DTWD2: variants seen among roughly 807,000 people sequenced by gnomAD.
DTWD2 encodes the protein DTW motif tRNA-uridine aminocarboxypropyltransferase 2.
A neutral mutation model predicts 31.8 loss-of-function variants in DTWD2; 39 were observed. That is an observed-to-expected ratio of 1.22 (90% CI 0.95 to 1.60). The LOEUF (loss-of-function observed/expected upper bound fraction) is 1.60, where lower values mean the gene tolerates loss of function less well. Among genes scored for constraint, DTWD2 ranks in the 40% most tolerant of loss-of-function variants. The pLI, the probability that DTWD2 is intolerant of heterozygous loss-of-function variation, is 0.00. For missense variants in DTWD2, 515 were observed against 381.5 expected, an observed-to-expected ratio of 1.35 and a Z score of -2.92; for synonymous variants, 180 against 142.8, an observed-to-expected ratio of 1.26 and a Z score of -1.86.
intron 4 of DTWD2, among the ~76,000 whole-genome samples, chr5:118,878,405 A>G (rs1217263579): frequency 6.6e-6 from 1 of 152,216 alleles, no homozygotes; most frequent in Non-Finnish European, 1.5e-5. Flanking sequence ...AAAACAAGCA[A>G]TGGGGAAAGG....
Position 118,980,036 on chromosome 5 carries a change from A to G in DTWD2, c.218+8258T>C, listed in dbSNP as rs576935560. On this transcript the variant is annotated intron_variant, in intron 1 of 5. Coordinates refer to ENST00000510708, the MANE Select transcript of DTWD2 (RefSeq NM_173666.4). The stretch of plus-strand genomic sequence containing the variant: ...GAAAAATAGTACTGTACCAATGTTC[A>G]TTTCTTCATTTTCGTAACTGGACTT... Among the ~76,000 whole-genome samples the G allele has an allele frequency of 5.3e-5, 8 of 152,314 alleles. No homozygotes were observed. The East Asian group carries it at 9.6e-4, about 18-fold the overall frequency.
intron 1 of DTWD2, among the ~76,000 whole-genome samples, chr5:118,963,929 G>A (rs1307873431): frequency 6.6e-6 from 1 of 152,154 alleles, no homozygotes; most frequent in South Asian, 2.1e-4. Flanking sequence ...GCATTTGCAG[G>A]CCAGGTGCAG....
At chr5:118,970,086 G>A (rs1399488525) in intron 1 of DTWD2, among the ~76,000 whole-genome samples, 1 of 152,134 alleles carries the variant, frequency 6.6e-6, no homozygotes, top group African/African-American at 2.4e-5. Flanking sequence ...GAATCTCAGA[G>A]CTGTAAGACT....
chr5:118,925,133 G>C (rs559870180), intron 4 of DTWD2, among the ~76,000 whole-genome samples: 2 of 152,264 alleles, frequency 1.3e-5, no homozygotes, highest in Admixed American at 1.3e-4. Flanking sequence ...TCTTCACTAA[G>C]TGTATGGCTT....
rs1010599132 is a variant in DTWD2 at position 118,881,818 on chromosome 5, C to T, written c.598-33600G>A. On this transcript the variant is annotated intron_variant, in intron 4 of 5. Coordinates refer to ENST00000510708, the MANE Select transcript of DTWD2 (RefSeq NM_173666.4). ...CAAGAGAAAAACCAGCCCCATTATT[C>T]GATCACTTCCCAACAGGTCCGTCCT... is the stretch of plus-strand genomic sequence containing the variant. Among the ~76,000 whole-genome samples the T allele has an allele frequency of 1.5e-4, 23 of 152,286 alleles. 1 individual carries two copies. The highest frequency in any genetic ancestry group is 5.9e-5 in the Non-Finnish European group (4 of 68,018).
At chr5:118,977,554 G>A (rs1021349117) in intron 1 of DTWD2, among the ~76,000 whole-genome samples, 1 of 152,114 alleles carries the variant, frequency 6.6e-6, no homozygotes, top group Non-Finnish European at 1.5e-5. Context: ...CAGGCAAGCA[G>A]ACAGCCAAAT....
At position 118,939,257 on chromosome 5, in the gene DTWD2, C is replaced by T; in HGVS notation, c.343G>A (p.Ala115Thr). The change falls in exon 3 of 6, where the codon GCA (alanine) becomes ACA (threonine). Residue 115 changes from alanine to threonine, a missense_variant. Coordinates refer to ENST00000510708, the MANE Select transcript of DTWD2 (RefSeq NM_173666.4). Reference protein sequence around the residue: ...NKVLRTVPLLAACLPQDKCKV... With the variant: ...NKVLRTVPLLTACLPQDKCKV... ...CACTTGTCCTGGGGGAGGCATGCTGCTAGTAGAGGAACTGTACGCAACACT... is the reference window on the plus strand; with the variant it reads ...CACTTGTCCTGGGGGAGGCATGCTGTTAGTAGAGGAACTGTACGCAACACT... The T allele has an allele frequency of 6.2e-7, 1 of 1,600,102 alleles. No homozygotes were observed. The highest frequency in any genetic ancestry group is 8.5e-7 in the Non-Finnish European group (1 of 1,172,852).
intron 1 of DTWD2, among the ~76,000 whole-genome samples, chr5:118,965,941 AT>A (rs1193736226): frequency 3.3e-5 from 5 of 151,630 alleles, no homozygotes; most frequent in East Asian, 1.9e-4. Context: ...AATAAAAAAA[AT>A]AAATAAAAAT....
Position 118,901,324 on chromosome 5 carries a change from A to G in DTWD2, c.597+27213T>C, listed in dbSNP as rs575720266. 2.6e-5 allele frequency among the ~76,000 whole-genome samples: 4 copies of G among 152,324 alleles called. No homozygotes were observed. The East Asian group carries it at 7.7e-4, about 29-fold the overall frequency. On this transcript the variant is annotated intron_variant, in intron 4 of 5. Transcript: ENST00000510708. ...GCACAGTAAGTATTCCTGATAATCC[A>G]GGGATTCAACAAACATAATAAAAAC...
At chr5:118,967,904 C>G (rs903634197) in intron 1 of DTWD2, among the ~76,000 whole-genome samples, 1 of 152,028 alleles carries the variant, frequency 6.6e-6, no homozygotes, top group Non-Finnish European at 1.5e-5. Context: ...AATTCCTCCC[C>G]AAGATATTTA....
chr5:118,843,624 A>T (rs1751778415), intron 5 of DTWD2, among the ~76,000 whole-genome samples: 1 of 152,220 alleles, frequency 6.6e-6, no homozygotes, highest in South Asian at 2.1e-4. Context: ...TGAAGATTCT[A>T]TTGATATTTT....
intron 1 of DTWD2, among the ~76,000 whole-genome samples, chr5:118,957,286 A>C (rs1754608149): frequency 6.6e-6 from 1 of 151,716 alleles, no homozygotes; most frequent in Non-Finnish European, 1.5e-5. Flanking sequence ...CAGTGGCATG[A>C]TCTCGGCTCA....
At position 118,959,384 on chromosome 5, in the gene DTWD2, G is replaced by T. The variant is rs192651545; in HGVS notation, c.219-14735C>A. Reference sequence around the variant, plus strand: ...AAGAATAAAAATACTTAGGAATATAGCTAACCAAGGAGGTAAAAAAATCTC... The same window carrying T: ...AAGAATAAAAATACTTAGGAATATATCTAACCAAGGAGGTAAAAAAATCTC... On this transcript the variant is annotated intron_variant, in intron 1 of 5. Coordinates refer to ENST00000510708, the MANE Select transcript of DTWD2 (RefSeq NM_173666.4). 3.3e-5 allele frequency among the ~76,000 whole-genome samples: 5 copies of T among 152,130 alleles called. No individual in the cohort carries two copies. The East Asian group carries it at 9.7e-4, about 29-fold the overall frequency.
intron 5 of DTWD2, among the ~76,000 whole-genome samples, chr5:118,842,464 T>G (rs1340867322): frequency 6.6e-6 from 1 of 152,114 alleles, no homozygotes; most frequent in African/African-American, 2.4e-5. Flanking sequence ...ACATGAAGAT[T>G]AAAGCCAAAT....
At chr5:118,964,818 G>C (rs1302816058) in intron 1 of DTWD2, among the ~76,000 whole-genome samples, 1 of 152,184 alleles carries the variant, frequency 6.6e-6, no homozygotes, top group South Asian at 2.1e-4. Flanking sequence ...CGCCTGCCTT[G>C]GCCTCCCAAA....
chr5:118,944,694 C>T, intron 1 of DTWD2, 45 bp from the exon 2 acceptor site: 3 of 1,578,014 alleles, frequency 1.9e-6, no homozygotes, highest in Non-Finnish European at 2.6e-6. Context: ...TTTAAAAATA[C>T]AATGATATAA....
intron 4 of DTWD2, among the ~76,000 whole-genome samples, chr5:118,879,632 A>C (rs1554063994): frequency 6.6e-6 from 1 of 150,774 alleles, no homozygotes; most frequent in Non-Finnish European, 1.5e-5. Flanking sequence ...AAAAAAAAAG[A>C]ACGAGATCAT....
intron 4 of DTWD2, among the ~76,000 whole-genome samples, chr5:118,881,971 T>C (rs1168789807): frequency 6.6e-6 from 1 of 152,162 alleles, no homozygotes; most frequent in Non-Finnish European, 1.5e-5. Context: ...CTCGCCTTCA[T>C]AACAGTCCCC....
At chr5:118,880,942 G>C (rs1580783743) in intron 4 of DTWD2, among the ~76,000 whole-genome samples, 2 of 152,050 alleles carry the variant, frequency 1.3e-5, no homozygotes, top group African/African-American at 4.8e-5. Flanking sequence ...TCACCTTAAA[G>C]CTCTAATGCT....
Sources: allele counts gnomAD v4.1 joint callset (sites outside exome capture counted in the v4.1 genomes callset), GRCh38; gene constraint gnomAD v4.1.1; transcripts MANE v1.5; gene names NCBI Gene and HGNC (gene_info 2026-07-23, HGNC 2026-07-21).